PRKCH: variants seen among roughly 807,000 people sequenced by gnomAD.
The protein encoded by PRKCH is protein kinase C eta type.
A neutral mutation model predicts 82.5 loss-of-function variants in PRKCH; 28 were observed. The observed-to-expected ratio is 0.34, with a 90% CI of 0.25 to 0.47. The LOEUF is 0.47. Among genes scored for constraint, PRKCH ranks in the 20% least tolerant of loss-of-function variants. PRKCH has a pLI of 1.00. For synonymous variants in PRKCH, 322 were observed against 327.4 expected (o/e 0.98, Z 0.18); for missense variants, 705 against 881.8 (o/e 0.80, Z 2.54).
chr14:61,411,976 T>C (rs1404669150), intron 2 of PRKCH, among the ~76,000 whole-genome samples: 1 of 152,232 alleles, frequency 6.6e-6, no homozygotes, highest in Middle Eastern at 3.2e-3. Flanking sequence ...AGGGCCTTGC[T>C]TGCTTAGTGG....
chr14:61,216,892 G>T (rs192290428), intron 1 of PRKCH, among the ~76,000 whole-genome samples: 1 of 152,274 alleles, frequency 6.6e-6, no homozygotes, highest in Non-Finnish European at 1.5e-5. Flanking sequence ...TTATTCTGGC[G>T]TTTAAAAATG....
chr14:61,482,473 T>G (rs1886023251), intron 9 of PRKCH, among the ~76,000 whole-genome samples: 1 of 152,222 alleles, frequency 6.6e-6, no homozygotes, highest in African/African-American at 2.4e-5. Flanking sequence ...TTTTGCTTGT[T>G]GATAAACATG....
chr14:61,427,740 C>G (rs182558751), intron 2 of PRKCH, among the ~76,000 whole-genome samples: 1 of 152,030 alleles, frequency 6.6e-6, no homozygotes, highest in Non-Finnish European at 1.5e-5. Flanking sequence ...GCATGCACCA[C>G]CATGCCCAGC....
At chr14:61,530,300 T>A (rs969480303) in intron 11 of PRKCH, 107 bp from the exon 12 acceptor site, 371 of 1,251,282 alleles carry the variant, frequency 3.0e-4, no homozygotes, top group Non-Finnish European at 3.7e-4. Context: ...GGAGACTTTT[T>A]TAAAAAAACT....
intron 10 of PRKCH, chr14:61,524,971 A>G (rs2042948224): frequency 6.6e-6 from 1 of 152,190 alleles, no homozygotes; most frequent in Admixed American, 6.5e-5. Flanking sequence ...TCCATCCCCT[A>G]AAAATAAGAT....
chr14:61,450,978 T>A lies in PRKCH; in HGVS notation c.832+7T>A. The stretch of plus-strand genomic sequence containing the variant: ...CAAGGACTTCAGTGTAAAAGTGAGA[T>A]GCTGAGGTGCTGGGTACCCACCTCT... On this transcript the variant is annotated splice_region_variant and intron_variant, in intron 6 of 13. Coordinates refer to ENST00000332981, the MANE Select transcript of PRKCH (RefSeq NM_006255.5). 6.2e-7 allele frequency: 1 copy of A among 1,613,530 alleles called. No homozygotes were observed. Among genetic ancestry groups the A allele is most frequent in the Non-Finnish European group, 8.5e-7 (1 of 1,179,688 alleles).
intron 9 of PRKCH, among the ~76,000 whole-genome samples, chr14:61,482,636 G>C (rs1886030747): frequency 1.3e-5 from 2 of 152,156 alleles, no homozygotes; most frequent in African/African-American, 4.8e-5. Context: ...TACACTCTGT[G>C]TTCCAGGTGG....
intron 13 of PRKCH, among the ~76,000 whole-genome samples, chr14:61,548,945 T>A (rs946880052): frequency 6.6e-6 from 1 of 151,626 alleles, no homozygotes; most frequent in Non-Finnish European, 1.5e-5. Context: ...TTAGAAATGA[T>A]CTTTGCAGCG....
intron 10 of PRKCH, among the ~76,000 whole-genome samples, chr14:61,506,723 G>T (rs893372299): frequency 2.1e-4 from 32 of 152,158 alleles, no homozygotes; most frequent in African/African-American, 7.7e-4. Flanking sequence ...GGCTCTTCTT[G>T]AACAGGCATG....
chr14:61,263,737 C>A (rs374030790), intron 1 of PRKCH, among the ~76,000 whole-genome samples: 3 of 152,122 alleles, frequency 2.0e-5, no homozygotes, highest in East Asian at 3.9e-4. Flanking sequence ...GGTTGTTATA[C>A]CCCGATAGAG....
intron 1 of PRKCH, among the ~76,000 whole-genome samples, chr14:61,282,168 A>G (rs187040664): frequency 9.2e-5 from 14 of 152,188 alleles, no homozygotes; most frequent in Non-Finnish European, 1.8e-4. Flanking sequence ...CTATCCACAA[A>G]AACATCTGGA....
intron 1 of PRKCH, among the ~76,000 whole-genome samples, chr14:61,249,219 C>T (rs1490980796): frequency 2.6e-5 from 4 of 152,062 alleles, no homozygotes; most frequent in African/African-American, 9.7e-5. Flanking sequence ...ACCACCTATC[C>T]CCACTTAGGT....
intron 2 of PRKCH, among the ~76,000 whole-genome samples, chr14:61,438,699 C>T (rs1384387778): frequency 1.3e-5 from 2 of 152,072 alleles, no homozygotes; most frequent in Non-Finnish European, 1.5e-5. Flanking sequence ...ATGACCAACA[C>T]AAGTTTCAGT....
At chr14:61,456,207 C>T (rs1337530928) in intron 7 of PRKCH, among the ~76,000 whole-genome samples, 1 of 152,188 alleles carries the variant, frequency 6.6e-6, no homozygotes, top group Non-Finnish European at 1.5e-5. Context: ...GAAGAGGAAA[C>T]TGAGGTAGGG....
chr14:61,545,334 A>T (rs2140040377), intron 12 of PRKCH: 2 of 152,294 alleles, frequency 1.3e-5, no homozygotes, highest in Admixed American at 1.3e-4. Flanking sequence ...TGCCTCTTCC[A>T]AGCTCTCACA....
At chr14:61,506,258 G>C (rs1157776574) in intron 10 of PRKCH, among the ~76,000 whole-genome samples, 1 of 152,116 alleles carries the variant, frequency 6.6e-6, no homozygotes, top group African/African-American at 2.4e-5. Context: ...CTGAGTGCTT[G>C]GAAAAATGTC....
chr14:61,470,499 T>C (rs745689843), intron 9 of PRKCH, among the ~76,000 whole-genome samples: 2 of 152,176 alleles, frequency 1.3e-5, no homozygotes, highest in Non-Finnish European at 2.9e-5. Context: ...TCCTTCCCCG[T>C]AAGCTAATAG....
intron 10 of PRKCH, among the ~76,000 whole-genome samples, chr14:61,508,367 A>G (rs1296438527): frequency 6.6e-6 from 1 of 152,184 alleles, no homozygotes; most frequent in Admixed American, 6.5e-5. Flanking sequence ...AAAGTGATAC[A>G]GAGATTAGAG....
intron 1 of PRKCH, among the ~76,000 whole-genome samples, chr14:61,213,056 G>A (rs903969767): frequency 6.6e-6 from 1 of 152,142 alleles, no homozygotes; most frequent in Admixed American, 6.5e-5. Flanking sequence ...GGGGTGGGTA[G>A]AGAAAAACAC....
Sources: gnomAD v4.1 joint callset for allele counts (sites outside exome capture counted in the v4.1 genomes callset) on GRCh38, gnomAD v4.1.1 for gene constraint, MANE v1.5 for transcripts, NCBI Gene and HGNC (gene_info 2026-07-23, HGNC 2026-07-21) for gene names.